Variants in THADA observed in about 807,000 individuals in gnomAD.
THADA encodes THADA armadillo repeat containing, also known as tRNA (32-2'-O)-methyltransferase regulator THADA.
Under a neutral mutation model 219.8 loss-of-function variants are expected in THADA, and 213 were observed. The observed-to-expected ratio is 0.97, with a 90% CI of 0.87 to 1.09. The LOEUF is 1.09. THADA is among the 50% of genes least tolerant of loss of function. THADA has a pLI of 0.00. For synonymous variants in THADA, 1,018 were observed against 828.9 expected, an observed-to-expected ratio of 1.23 and a Z score of -3.92; for missense variants, 2,956 against 2,311.3, an observed-to-expected ratio of 1.28 and a Z score of -5.72.
At chr2:43,360,307 G>C (rs758292181) in intron 29 of THADA, among the ~76,000 whole-genome samples, 3 of 152,148 alleles carry the variant, frequency 2.0e-5, no homozygotes, top group Non-Finnish European at 4.4e-5. Flanking sequence ...TTGTTGATTT[G>C]ATTTGAAATT....
chr2:43,345,002 A>G (rs1169433514), intron 29 of THADA, among the ~76,000 whole-genome samples: 1 of 152,274 alleles, frequency 6.6e-6, no homozygotes, highest in Non-Finnish European at 1.5e-5. Context: ...AAGGAGAGAA[A>G]TGCAAGTCAA....
At chr2:43,398,793 G>A (rs921446109) in intron 28 of THADA, among the ~76,000 whole-genome samples, 3 of 152,192 alleles carry the variant, frequency 2.0e-5, no homozygotes, top group Non-Finnish European at 2.9e-5. Flanking sequence ...TAGAAGTTAA[G>A]GCTGAGAAGT....
intron 26 of THADA, among the ~76,000 whole-genome samples, chr2:43,461,951 C>A (rs1683690577): frequency 6.6e-6 from 1 of 152,206 alleles, no homozygotes; most frequent in Admixed American, 6.5e-5. Flanking sequence ...GCTTTACCAC[C>A]TCTGACCCCC....
chr2:43,445,683 G>T (rs1190237164), intron 26 of THADA, among the ~76,000 whole-genome samples: 2 of 151,936 alleles, frequency 1.3e-5, no homozygotes, highest in Non-Finnish European at 2.9e-5. Context: ...TTTGTTTTTT[G>T]TTTTTTTGAG....
In THADA at chr2:43,552,212, T is replaced by C. The variant is rs1696832010; in HGVS notation, c.2802A>G (p.Leu934=). The change falls in exon 18 of 38, where the codon TTA becomes TTG. Residue 934 remains leucine, a synonymous_variant. Coordinates refer to ENST00000405975, the MANE Select transcript of THADA (RefSeq NM_022065.5). The part of the protein sequence containing the change: ...VHCITGALQK[L]SLNSLQLVSE... ...GCTGTGGAAATCCTTACTTTAGAGA[T>C]AACTTCTGCAAAGCTCCTGTTATAC... 6 of 1,607,488 alleles carry C rather than the reference T, an allele frequency of 3.7e-6. No homozygotes were observed. In the South Asian group the frequency reaches 6.7e-5, roughly 18 times the overall value.
rs77162069 is a variant in THADA, at chr2:43,274,997, T to C, written c.5296+4768A>G. ...TGTTTTCCTTTCTTTTCTTTTCTTT[T>C]CTTTTTTTTTTTTTTTTGAGGGAGT... On this transcript the variant is annotated intron_variant, in intron 36 of 37. Transcript: ENST00000405975. Among the ~76,000 whole-genome samples the C allele has an allele frequency of 1.8e-4, 23 of 125,380 alleles. 1 individual carries two copies. The highest frequency in any genetic ancestry group is 6.0e-4 in the African/African-American group (20 of 33,284). 82.3% of individuals were successfully genotyped at this position (125,380 alleles called of 152,430 possible). A position where few individuals can be genotyped will look rare whatever the true frequency, so the allele number is the denominator to read the frequency against.
chr2:43,293,287 G>C, intron 31 of THADA, 74 bp from the exon 32 acceptor site: 27 of 1,492,594 alleles, frequency 1.8e-5, no homozygotes, highest in Non-Finnish European at 2.2e-5. Context: ...AAAGAATGAA[G>C]ACTGAATCCA....
chr2:43,298,247 G>A (rs1675823060), intron 31 of THADA, among the ~76,000 whole-genome samples: 2 of 81,842 alleles, frequency 2.4e-5, no homozygotes, highest in Non-Finnish European at 4.4e-5. Context: ...ATTTTGTTCT[G>A]CACTAAGAAA....
chr2:43,581,587 T>G (rs1700465277), intron 8 of THADA, among the ~76,000 whole-genome samples, 154 bp downstream of exon 8: 1 of 148,966 alleles, frequency 6.7e-6, no homozygotes, highest in South Asian at 2.1e-4. Context: ...AACCATGTAG[T>G]CCAGGGCCTC....
At chr2:43,520,702 G>GTATATATATATATATA (rs377737093) in intron 22 of THADA, among the ~76,000 whole-genome samples, 4 of 136,508 alleles carry the variant, frequency 2.9e-5, no homozygotes, top group African/African-American at 5.5e-5. Flanking sequence ...ATATTTATAC[G>GTATATATATATATATA]TATATATATA....
At chr2:43,270,989 C>G (rs938042733) in intron 36 of THADA, among the ~76,000 whole-genome samples, 39 of 152,332 alleles carry the variant, frequency 2.6e-4, no homozygotes, top group African/African-American at 8.9e-4. Flanking sequence ...CCCTGTCCCC[C>G]CACTGGCCTG....
intron 4 of THADA, among the ~76,000 whole-genome samples, chr2:43,587,823 A>G (rs1701171555): frequency 6.6e-6 from 1 of 152,216 alleles, no homozygotes; most frequent in Non-Finnish European, 1.5e-5. Context: ...CAGTTCCTAG[A>G]AGAGTGCTGA....
At chr2:43,293,514 G>C (rs1412797579) in intron 31 of THADA, among the ~76,000 whole-genome samples, 1 of 151,958 alleles carries the variant, frequency 6.6e-6, no homozygotes, top group Non-Finnish European at 1.5e-5. Flanking sequence ...TCTTATCACC[G>C]AGCCTCAAAG....
intron 26 of THADA, among the ~76,000 whole-genome samples, chr2:43,448,280 A>G (rs1422692109): frequency 6.6e-6 from 1 of 152,228 alleles, no homozygotes; most frequent in Non-Finnish European, 1.5e-5. Flanking sequence ...GGTCAGTTTC[A>G]GCTCCTAGAA....
chr2:43,517,342 T>C (rs1205352589), intron 22 of THADA, among the ~76,000 whole-genome samples: 1 of 152,178 alleles, frequency 6.6e-6, no homozygotes, highest in Admixed American at 6.5e-5. Context: ...AAATATGAAG[T>C]ACATTTAAAG....
At chr2:43,297,276 T>C (rs1675552759) in intron 31 of THADA, among the ~76,000 whole-genome samples, 1 of 100,198 alleles carries the variant, frequency 1.0e-5, no homozygotes, top group African/African-American at 5.6e-5. Flanking sequence ...CCACCCCGTC[T>C]GAGAAGTGAG....
chr2:43,476,159 A>G (rs1478156934), intron 26 of THADA, among the ~76,000 whole-genome samples: 1 of 152,210 alleles, frequency 6.6e-6, no homozygotes, highest in Non-Finnish European at 1.5e-5. Context: ...CCATGCTAAG[A>G]TGTTAACTCT....
chr2:43,259,024 C>T (rs965324067), intron 36 of THADA, among the ~76,000 whole-genome samples: 30 of 152,014 alleles, frequency 2.0e-4, no homozygotes, highest in African/African-American at 7.0e-4. Flanking sequence ...AGGAACCAGG[C>T]CAAAATGAAA....
At chr2:43,357,228 A>C (rs1668968219) in intron 29 of THADA, among the ~76,000 whole-genome samples, 1 of 152,208 alleles carries the variant, frequency 6.6e-6, no homozygotes, top group African/African-American at 2.4e-5. Context: ...AAGTGTAATA[A>C]AACAATGAGG....
Sources: gnomAD v4.1 joint callset for allele counts (sites outside exome capture counted in the v4.1 genomes callset) on GRCh38, gnomAD v4.1.1 for gene constraint, MANE v1.5 for transcripts, NCBI Gene and HGNC (gene_info 2026-07-23, HGNC 2026-07-21) for gene names.